TENM2: variants seen among roughly 807,000 people sequenced by gnomAD.
TENM2 encodes teneurin transmembrane protein 2.
A neutral mutation model predicts 245.2 loss-of-function variants in TENM2; 52 were observed. The observed-to-expected ratio is 0.21, with a 90% CI of 0.17 to 0.27. The LOEUF is 0.27. TENM2 is among the 10% of genes least tolerant of loss of function. TENM2 has a pLI of 1.00. For missense variants in TENM2, 3,046 were observed against 3,666.8 expected, an observed-to-expected ratio of 0.83 and a Z score of 4.37; for synonymous variants, 1,363 against 1,438.9, an observed-to-expected ratio of 0.95 and a Z score of 1.19.
chr5:168,031,277 T>C (rs1434991327), intron 5 of TENM2, among the ~76,000 whole-genome samples: 1 of 152,170 alleles, frequency 6.6e-6, no homozygotes, highest in Non-Finnish European at 1.5e-5. Context: ...GTAAAATGAG[T>C]CTGGAGAAGG....
chr5:167,137,929 C>T, the TENM2 span, among the ~76,000 whole-genome samples: 1 of 152,046 alleles, frequency 6.6e-6, no homozygotes, highest in Non-Finnish European at 1.5e-5. Flanking sequence ...AGCAAACTGA[C>T]CAGAAAATTC....
chr5:168,038,593 G>A (rs1010289367), intron 5 of TENM2, among the ~76,000 whole-genome samples: 10 of 152,224 alleles, frequency 6.6e-5, no homozygotes, highest in South Asian at 2.1e-4. Context: ...GAGTCAGTAC[G>A]TTACAAAAAT....
intron 19 of TENM2, among the ~76,000 whole-genome samples, chr5:168,209,195 T>C (rs1420286903): frequency 6.6e-6 from 1 of 152,248 alleles, no homozygotes; most frequent in Non-Finnish European, 1.5e-5. Context: ...GTGTAAATCA[T>C]TAGAGTTATA....
Position 167,295,118 on chromosome 5 carries a change from C to G in TENM2, c.226+10055C>G, listed in dbSNP as rs186042080. Among the ~76,000 whole-genome samples the G allele has an allele frequency of 3.4e-3, 523 of 152,286 alleles. 6 individuals carry two copies. The highest frequency in any genetic ancestry group is 1.2e-3 in the East Asian group (6 of 5,174). ...AGTTTTGTGCTCTGACTCATAGATGCAACTACCAGGGAATTTGCTCTTTTT... is the reference window on the plus strand; with the variant it reads ...AGTTTTGTGCTCTGACTCATAGATGGAACTACCAGGGAATTTGCTCTTTTT... On this transcript the variant is annotated intron_variant, in intron 1 of 28. Transcript: ENST00000518659.
At position 167,949,507 on chromosome 5, in the gene TENM2, TC is replaced by T. The variant is rs1779910462; in HGVS notation, c.713-3080del. Reference sequence around the variant, plus strand: ...CATCCCTGAAAGAACCCATCACTGTTCTCTACACTTGGTTTTCGGGGACTTG... The same window carrying T: ...CATCCCTGAAAGAACCCATCACTGTTTCTACACTTGGTTTTCGGGGACTTG... On this transcript the variant is annotated intron_variant, in intron 3 of 28. Transcript: ENST00000518659. 2.0e-5 allele frequency among the ~76,000 whole-genome samples: 3 copies of T among 152,128 alleles called. No homozygotes were observed. The South Asian group carries it at 6.2e-4, about 32-fold the overall frequency.
At chr5:167,690,484 A>G (rs116741478) in intron 2 of TENM2, among the ~76,000 whole-genome samples, 1,705 of 152,234 alleles carry the variant, frequency 0.011, 30 homozygotes, top group African/African-American at 0.037. Flanking sequence ...TCATATTTAT[A>G]CAGATATCTT....
the TENM2 span, among the ~76,000 whole-genome samples, chr5:167,112,229 GT>G: frequency 6.6e-6 from 1 of 152,166 alleles, no homozygotes; most frequent in Admixed American, 6.5e-5. Context: ...AAAGAATTTT[GT>G]TTGGCAGAGC....
chr5:167,980,229 T>A (rs561938663), intron 4 of TENM2, among the ~76,000 whole-genome samples: 1 of 152,270 alleles, frequency 6.6e-6, no homozygotes, highest in South Asian at 2.1e-4. Flanking sequence ...GATATCTCAA[T>A]GAAGGGTGAG....
chr5:167,349,976 T>TACAA (rs1758720928), intron 1 of TENM2, among the ~76,000 whole-genome samples: 1 of 152,206 alleles, frequency 6.6e-6, no homozygotes, highest in African/African-American at 2.4e-5. Flanking sequence ...AGTTTTTAAA[T>TACAA]TTATAGTACA....
At chr5:167,461,157 AT>A (rs948171383) in intron 2 of TENM2, among the ~76,000 whole-genome samples, 1 of 151,646 alleles carries the variant, frequency 6.6e-6, no homozygotes, top group African/African-American at 2.4e-5. Context: ...TATTTTGTTC[AT>A]ATTCATATAT....
intron 12 of TENM2, among the ~76,000 whole-genome samples, chr5:168,140,525 A>C (rs1308272085): frequency 3.3e-5 from 5 of 151,940 alleles, no homozygotes; most frequent in Admixed American, 6.6e-5. Flanking sequence ...TGTGTGTATG[A>C]GTGTATACAC....
chr5:167,124,075 T>C, the TENM2 span, among the ~76,000 whole-genome samples: 1 of 152,234 alleles, frequency 6.6e-6, no homozygotes, highest in African/African-American at 2.4e-5. Context: ...TTCCATATGC[T>C]ACCACTGTCA....
At chr5:167,329,824 G>A (rs1473611969) in intron 1 of TENM2, among the ~76,000 whole-genome samples, 1 of 152,074 alleles carries the variant, frequency 6.6e-6, no homozygotes, top group Non-Finnish European at 1.5e-5. Flanking sequence ...GATTACTTTT[G>A]GATTTAAAGA....
At chr5:168,194,701 G>A (rs969145830) in intron 14 of TENM2, among the ~76,000 whole-genome samples, 1 of 152,104 alleles carries the variant, frequency 6.6e-6, no homozygotes, top group Admixed American at 6.5e-5. Flanking sequence ...CAATGCATGT[G>A]TATTTCCCAG....
At chr5:167,527,748 C>G (rs1354475987) in intron 2 of TENM2, among the ~76,000 whole-genome samples, 1 of 152,100 alleles carries the variant, frequency 6.6e-6, no homozygotes, top group East Asian at 1.9e-4. Flanking sequence ...TGTATTTCAA[C>G]CTTAGCAAAC....
Position 167,950,878 on chromosome 5 carries a change from A to G in TENM2, c.713-1710A>G, listed in dbSNP as rs375068634. On this transcript the variant is annotated intron_variant, in intron 3 of 28. Transcript: ENST00000518659. ...CACTGATGCATAATGTAAAATAGGAATTACAGGTTCATTTGGAGGACATGA... is the reference window on the plus strand; with the variant it reads ...CACTGATGCATAATGTAAAATAGGAGTTACAGGTTCATTTGGAGGACATGA... Among the ~76,000 whole-genome samples, 254 of 152,356 alleles carry G rather than the reference A, an allele frequency of 1.7e-3. 11 individuals carry two copies. In the South Asian group the frequency reaches 0.051, roughly 30 times the overall value.
chr5:167,514,882 G>A lies in TENM2; in HGVS notation c.502+139409G>A, dbSNP rs574802459. ...AAAAATTAGCTTGGCATGGTGGCGGGTGCCTGTAATTCCAGCTACTTGGGA... is the reference window on the plus strand; with the variant it reads ...AAAAATTAGCTTGGCATGGTGGCGGATGCCTGTAATTCCAGCTACTTGGGA... On this transcript the variant is annotated intron_variant, in intron 2 of 28. Transcript: ENST00000518659. 5.9e-5 allele frequency among the ~76,000 whole-genome samples: 9 copies of A among 152,196 alleles called. No individual in the cohort carries two copies. The South Asian group carries it at 1.5e-3, about 25-fold the overall frequency.
chr5:167,913,955 G>T (rs1776734980), intron 3 of TENM2, among the ~76,000 whole-genome samples: 2 of 152,242 alleles, frequency 1.3e-5, no homozygotes, highest in South Asian at 4.1e-4. Flanking sequence ...TGCTAAGAAT[G>T]GTGCCTGCGT....
intron 5 of TENM2, among the ~76,000 whole-genome samples, chr5:168,004,194 G>A (rs563785431): frequency 6.6e-6 from 1 of 152,060 alleles, no homozygotes; most frequent in Non-Finnish European, 1.5e-5. Flanking sequence ...ATCCTGATTT[G>A]TAAAAAAATC....
Sources: allele counts gnomAD v4.1 joint callset (sites outside exome capture counted in the v4.1 genomes callset), GRCh38; gene constraint gnomAD v4.1.1; transcripts MANE v1.5; gene names NCBI Gene and HGNC (gene_info 2026-07-23, HGNC 2026-07-21).